Variants in FANK1 observed in about 807,000 individuals in gnomAD.
FANK1 encodes fibronectin type 3 and ankyrin repeat domains protein 1.
Under a neutral mutation model 45.3 loss-of-function variants are expected in FANK1, and 44 were observed. The observed-to-expected ratio is 0.97, with a 90% CI of 0.76 to 1.25. The LOEUF is 1.25. Ranked by LOEUF, FANK1 falls within the 50% of genes most tolerant of loss-of-function variation. The probability of loss-of-function intolerance (pLI) is 0.00; values close to 1 mark genes in which losing one functional copy is unlikely to be tolerated. For synonymous variants in FANK1, 149 were observed against 152.5 expected (o/e 0.98, Z 0.17); for missense variants, 391 against 424.4 (o/e 0.92, Z 0.69).
At chr10:125,941,586 G>T (rs1300776086) in intron 1 of FANK1, among the ~76,000 whole-genome samples, 1 of 152,214 alleles carries the variant, frequency 6.6e-6, no homozygotes, top group Non-Finnish European at 1.5e-5. Context: ...TGGATACCAA[G>T]AAACCAAGAA....
chr10:125,922,994 GT>G (rs975323066), intron 1 of FANK1, among the ~76,000 whole-genome samples: 4 of 151,640 alleles, frequency 2.6e-5, no homozygotes, highest in Non-Finnish European at 5.9e-5. Context: ...AGTTTTTTTT[GT>G]TTGGTTGGTT....
intron 2 of FANK1, among the ~76,000 whole-genome samples, chr10:125,985,419 C>A (rs1192246428): frequency 6.6e-6 from 1 of 152,156 alleles, no homozygotes; most frequent in Non-Finnish European, 1.5e-5. Context: ...CAGGCTGATA[C>A]ATTTTAGTTT....
chr10:125,952,479 T>A (rs1192523336), intron 1 of FANK1, among the ~76,000 whole-genome samples: 1 of 152,054 alleles, frequency 6.6e-6, no homozygotes, highest in Non-Finnish European at 1.5e-5. Flanking sequence ...TAAAAAAAAG[T>A]TCAGAGAAGA....
intron 1 of FANK1, among the ~76,000 whole-genome samples, chr10:125,959,694 C>G (rs995051277): frequency 3.9e-5 from 6 of 152,186 alleles, no homozygotes; most frequent in Non-Finnish European, 4.4e-5. Flanking sequence ...TTTGTACTTT[C>G]TTGCCTTCAT....
At chr10:125,998,413 T>C (rs146014597) in intron 6 of FANK1, among the ~76,000 whole-genome samples, 47 of 152,316 alleles carry the variant, frequency 3.1e-4, no homozygotes, top group African/African-American at 9.9e-4. Flanking sequence ...AAAGTATTTT[T>C]CCAAATAACT....
At chr10:125,945,588 T>C (rs1441383707) in intron 1 of FANK1, among the ~76,000 whole-genome samples, 1 of 152,146 alleles carries the variant, frequency 6.6e-6, no homozygotes, top group African/African-American at 2.4e-5. Flanking sequence ...CACACCTGGC[T>C]GGGAGGGTCC....
chr10:126,009,155 A>G (rs372712862), intron 9 of FANK1, 24 bp downstream of exon 9: 148 of 1,614,050 alleles, frequency 9.2e-5, no homozygotes, highest in Non-Finnish European at 1.2e-4. Flanking sequence ...TCTTTATGTA[A>G]AGATTTTCCT....
chr10:125,968,803 C>T (rs1019493860), intron 1 of FANK1, among the ~76,000 whole-genome samples: 4 of 152,078 alleles, frequency 2.6e-5, no homozygotes, highest in South Asian at 2.1e-4. Context: ...TAGTTTTCTA[C>T]GTTCAAACCT....
intron 8 of FANK1, 115 bp from the exon 9 acceptor site, chr10:126,008,939 C>G (rs1953444440): frequency 1.3e-5 from 12 of 934,768 alleles, no homozygotes; most frequent in Non-Finnish European, 1.6e-5. Flanking sequence ...CCACAGTGGT[C>G]TTTTGGGGTT....
At chr10:125,908,826 A>T (rs1241443130) in intron 1 of FANK1, among the ~76,000 whole-genome samples, 4 of 152,298 alleles carry the variant, frequency 2.6e-5, no homozygotes, top group Non-Finnish European at 5.9e-5. Flanking sequence ...ATCCTGACCC[A>T]CAGAAACTGT....
At chr10:125,979,982 G>T in intron 1 of FANK1, 179 bp from the exon 2 acceptor site, 1 of 658,570 alleles carries the variant, frequency 1.5e-6, no homozygotes, top group Admixed American at 2.4e-5. Context: ...TCACACATCA[G>T]CTGAATTTTG....
rs145182884 is a variant in FANK1, at chr10:125,934,724, GTTTTTTTTTTTTTTTTTTTTTTTT to G, written c.13+38083_13+38106del. Among the ~76,000 whole-genome samples the G allele has an allele frequency of 2.7e-3, 72 of 26,458 alleles. 1 individual carries two copies. The highest frequency in any genetic ancestry group is 4.4e-3 in the Non-Finnish European group (60 of 13,642). 17.4% of individuals were successfully genotyped at this position (26,458 alleles called of 152,430 possible). ...AGTTCCCACCACCTGTACCCCTACC[GTTTTTTTTTTTTTTTTTTTTTTTT>G]TTTTTTTTTTTTTGCAAATCACGAA... On this transcript the variant is annotated intron_variant, in intron 1 of 10. Transcript: ENST00000368693.
intron 1 of FANK1, among the ~76,000 whole-genome samples, chr10:125,971,842 T>A (rs187020371): frequency 1.1e-4 from 17 of 152,122 alleles, no homozygotes; most frequent in Non-Finnish European, 2.5e-4. Flanking sequence ...CAGGATGGTC[T>A]CGATCTCGTG....
intron 1 of FANK1, among the ~76,000 whole-genome samples, chr10:125,934,006 T>C (rs1411447355): frequency 1.3e-5 from 2 of 152,196 alleles, no homozygotes; most frequent in African/African-American, 4.8e-5. Flanking sequence ...GTGCTTGATA[T>C]AATTTCAATC....
rs4019626 is a variant in FANK1 at position 125,982,916 on chromosome 10, C to CTTT, written c.191+2588_191+2590dup. Among the ~76,000 whole-genome samples, 182 of 146,854 alleles carry CTTT rather than the reference C, an allele frequency of 1.2e-3. 1 individual carries two copies. Among genetic ancestry groups the CTTT allele is most frequent in the African/African-American group, 1.6e-3 (66 of 40,072 alleles). On this transcript the variant is annotated intron_variant, in intron 2 of 10. Coordinates refer to ENST00000368693, the MANE Select transcript of FANK1 (RefSeq NM_145235.5). ...CTGATGGAAGGAGTTGACTTTATTC[C>CTTT]TTTTTTTTTTTTCTCATCATTCTAT...
chr10:125,977,789 G>A (rs1564935039), intron 1 of FANK1, among the ~76,000 whole-genome samples: 1 of 152,144 alleles, frequency 6.6e-6, no homozygotes, highest in Non-Finnish European at 1.5e-5. Context: ...AGTGGGTGTG[G>A]GACCTGTAGG....
chr10:125,965,083 G>A (rs193016517), intron 1 of FANK1, among the ~76,000 whole-genome samples: 110 of 152,254 alleles, frequency 7.2e-4, no homozygotes, highest in Admixed American at 1.1e-3. Flanking sequence ...ATTTGAACCC[G>A]GGAGGCAGAG....
chr10:125,964,451 C>T (rs139753444), intron 1 of FANK1, among the ~76,000 whole-genome samples: 141 of 152,156 alleles, frequency 9.3e-4, no homozygotes, highest in African/African-American at 3.2e-3. Flanking sequence ...TCTAGGCCTC[C>T]GAAAGTGCTG....
chr10:125,994,757 C>T lies in FANK1; in HGVS notation c.317-660C>T, dbSNP rs185387731. On this transcript the variant is annotated intron_variant, in intron 3 of 10. Coordinates refer to ENST00000368693, the MANE Select transcript of FANK1 (RefSeq NM_145235.5). ...GTGCTGCCCGCCTGCCTGTTGGCTTCGCTGTGGAGCTGATGTCCCCTGTAC... is the reference window on the plus strand; with the variant it reads ...GTGCTGCCCGCCTGCCTGTTGGCTTTGCTGTGGAGCTGATGTCCCCTGTAC... The T allele has an allele frequency of 5.1e-5, 50 of 985,350 alleles. No homozygotes were observed. The Admixed American group carries it at 7.4e-4, about 15-fold the overall frequency. 61.0% of individuals were successfully genotyped at this position (985,350 alleles called of 1,614,324 possible).
Sources: allele counts gnomAD v4.1 joint callset (sites outside exome capture counted in the v4.1 genomes callset), GRCh38; gene constraint gnomAD v4.1.1; transcripts MANE v1.5; gene names NCBI Gene and HGNC (gene_info 2026-07-23, HGNC 2026-07-21).